The following ESRRG variants were observed in gnomAD, a reference collection of about 807,000 sequenced individuals.
ESRRG encodes estrogen related receptor gamma.
A neutral mutation model predicts 44.0 loss-of-function variants in ESRRG; 13 were observed. The observed-to-expected ratio is 0.30, with a 90% CI of 0.19 to 0.47. ESRRG has a LOEUF of 0.47. Ranked by LOEUF, ESRRG falls within the 20% of genes least tolerant of loss-of-function variation. The pLI, the probability that ESRRG is intolerant of heterozygous loss-of-function variation, is 1.00. For missense variants in ESRRG, 395 were observed against 580.6 expected (o/e 0.68, Z 3.29); for synonymous variants, 215 against 214.6 (o/e 1.00, Z -0.02).
At chr1:216,839,880 T>C (rs1577114273) in intron 2 of ESRRG, among the ~76,000 whole-genome samples, 1 of 152,296 alleles carries the variant, frequency 6.6e-6, no homozygotes, top group East Asian at 1.9e-4. Context: ...AACCATTCTG[T>C]AAACAGTCAA....
intron 2 of ESRRG, among the ~76,000 whole-genome samples, chr1:216,829,549 G>GTTTTTTTTTTTTTTT (rs66515526): frequency 1.5e-5 from 2 of 135,634 alleles, no homozygotes; most frequent in African/African-American, 2.8e-5. Context: ...AAATGCCACA[G>GTTTTTTTTTTTTTTT]TTTTTTTTTT....
chr1:216,560,102 G>A (rs1169284555), intron 5 of ESRRG, among the ~76,000 whole-genome samples: 2 of 151,992 alleles, frequency 1.3e-5, no homozygotes, highest in Non-Finnish European at 1.5e-5. Flanking sequence ...TTAGATTTCT[G>A]TTTCTTATGT....
At chr1:216,670,513 A>G (rs952243393) in intron 2 of ESRRG, among the ~76,000 whole-genome samples, 4 of 152,192 alleles carry the variant, frequency 2.6e-5, no homozygotes, top group African/African-American at 9.6e-5. Context: ...GATCCCACTC[A>G]AAGTGTGAAG....
chr1:217,074,048 CTTTT>C (rs1181569293), intron 1 of ESRRG, among the ~76,000 whole-genome samples: 3 of 134,384 alleles, frequency 2.2e-5, no homozygotes, highest in Admixed American at 7.5e-5. Flanking sequence ...ATTATGAATG[CTTTT>C]TTTTTTTTTT....
chr1:217,086,119 G>A (rs2092072915), intron 1 of ESRRG, among the ~76,000 whole-genome samples: 1 of 152,132 alleles, frequency 6.6e-6, no homozygotes, highest in Non-Finnish European at 1.5e-5. Flanking sequence ...CAAAACGACA[G>A]ACTCTATTGT....
rs185561126 is a variant in ESRRG, at chr1:216,723,230, A to G, written c.56+14T>C. The G allele has an allele frequency of 2.8e-4, 446 of 1,612,996 alleles. 5 individuals carry two copies. The Admixed American group carries it at 7.0e-3, about 25-fold the overall frequency. Reference sequence around the variant, plus strand: ...CCACGACGAGTTTAAAAAGGAAAGAAAAAAGGTACCTACTCTTCCTCGTAG... The same window carrying G: ...CCACGACGAGTTTAAAAAGGAAAGAGAAAAGGTACCTACTCTTCCTCGTAG... On this transcript the variant is annotated intron_variant, in intron 1 of 6. Transcript: ENST00000408911.
At chr1:216,919,141 A>C (rs1000224261) in intron 2 of ESRRG, among the ~76,000 whole-genome samples, 7 of 152,106 alleles carry the variant, frequency 4.6e-5, no homozygotes, top group African/African-American at 1.7e-4. Context: ...ATATCCAGCC[A>C]CTAAGGAAAC....
intron 1 of ESRRG, among the ~76,000 whole-genome samples, chr1:217,026,127 C>A (rs1433750544): frequency 6.6e-6 from 1 of 152,132 alleles, no homozygotes; most frequent in African/African-American, 2.4e-5. Context: ...GCCTACTGAG[C>A]CCCACACAAC....
At chr1:216,897,078 T>C (rs947198334) in intron 2 of ESRRG, among the ~76,000 whole-genome samples, 1 of 152,154 alleles carries the variant, frequency 6.6e-6, no homozygotes. Context: ...AGTTTAAGTT[T>C]GTCTTTTATG....
chr1:217,053,942 T>C (rs547560709), intron 1 of ESRRG, among the ~76,000 whole-genome samples: 1 of 151,968 alleles, frequency 6.6e-6, no homozygotes, highest in Admixed American at 6.6e-5. Context: ...TCTCAGCCAA[T>C]TCCTCAGCAG....
At chr1:216,739,229 G>A (rs554216231) in intron 2 of ESRRG, among the ~76,000 whole-genome samples, 1 of 149,398 alleles carries the variant, frequency 6.7e-6, no homozygotes, top group Admixed American at 6.7e-5. Flanking sequence ...TGAGAGACAA[G>A]TGCATAAAAG....
chr1:216,765,584 C>T (rs2093034088), intron 2 of ESRRG, among the ~76,000 whole-genome samples: 1 of 152,072 alleles, frequency 6.6e-6, no homozygotes, highest in Non-Finnish European at 1.5e-5. Flanking sequence ...TCTACTCTCT[C>T]CAAAGGCATT....
intron 2 of ESRRG, among the ~76,000 whole-genome samples, chr1:216,756,383 G>A (rs991434592): frequency 6.6e-6 from 1 of 151,944 alleles, no homozygotes; most frequent in Non-Finnish European, 1.5e-5. Context: ...ATGATTTGGG[G>A]TGGGGGATCG....
intron 1 of ESRRG, among the ~76,000 whole-genome samples, chr1:217,126,598 T>C (rs2092893759): frequency 6.6e-6 from 1 of 152,084 alleles, no homozygotes; most frequent in Non-Finnish European, 1.5e-5. Flanking sequence ...TTCTGCTTGG[T>C]ACCAGATCTT....
chr1:216,624,740 T>C (rs922843440), intron 3 of ESRRG, among the ~76,000 whole-genome samples: 1 of 152,168 alleles, frequency 6.6e-6, no homozygotes, highest in African/African-American at 2.4e-5. Flanking sequence ...TAACTGCTTC[T>C]AAGTCATTTT....
chr1:216,876,795 A>G (rs1295668450), intron 2 of ESRRG, among the ~76,000 whole-genome samples: 1 of 152,168 alleles, frequency 6.6e-6, no homozygotes, highest in Non-Finnish European at 1.5e-5. Flanking sequence ...CCACTGACCT[A>G]CCCGCAGTCA....
intron 1 of ESRRG, among the ~76,000 whole-genome samples, chr1:216,960,505 T>C (rs970064727): frequency 2.0e-5 from 3 of 152,162 alleles, no homozygotes; most frequent in African/African-American, 7.2e-5. Context: ...TTCAAGATGG[T>C]ATCATACTAT....
intron 6 of ESRRG, among the ~76,000 whole-genome samples, chr1:216,511,542 T>C (rs2042710275): frequency 6.3e-5 from 1 of 15,920 alleles, no homozygotes; most frequent in African/African-American, 1.4e-4. Flanking sequence ...AAAATATACA[T>C]AAATTCACAC....
chr1:216,980,308 T>C (rs1470904914), intron 1 of ESRRG, among the ~76,000 whole-genome samples: 2 of 152,174 alleles, frequency 1.3e-5, no homozygotes, highest in Non-Finnish European at 2.9e-5. Context: ...GTTTGAGTCA[T>C]GTGTGTTCAA....
Sources: gnomAD v4.1 joint callset for allele counts (sites outside exome capture counted in the v4.1 genomes callset) on GRCh38, gnomAD v4.1.1 for gene constraint, MANE v1.5 for transcripts, NCBI Gene and HGNC (gene_info 2026-07-23, HGNC 2026-07-21) for gene names.